The following TRPS1 variants were observed in gnomAD, a reference collection of about 807,000 sequenced individuals.
TRPS1 encodes the protein zinc finger transcription factor Trps1.
A neutral mutation model predicts 101.2 loss-of-function variants in TRPS1; 6 were observed. That is an observed-to-expected ratio of 0.06 (90% CI 0.03 to 0.12). The LOEUF (loss-of-function observed/expected upper bound fraction) is 0.12, where lower values mean the gene tolerates loss of function less well. Ranked by LOEUF, TRPS1 falls within the 10% of genes least tolerant of loss-of-function variation. TRPS1 has a pLI of 1.00. For synonymous variants in TRPS1, 578 were observed against 589.8 expected (o/e 0.98, Z 0.29); for missense variants, 1,363 against 1,567.0 (o/e 0.87, Z 2.20).
At chr8:115,538,218 T>C (rs916399368) in intron 5 of TRPS1, among the ~76,000 whole-genome samples, 1 of 152,212 alleles carries the variant, frequency 6.6e-6, no homozygotes. Context: ...CAACCCAAAA[T>C]GGCAACACTT....
intron 5 of TRPS1, among the ~76,000 whole-genome samples, chr8:115,508,026 C>G (rs1041172816): frequency 6.6e-6 from 1 of 152,074 alleles, no homozygotes; most frequent in African/African-American, 2.4e-5. Context: ...AATAAAAAAG[C>G]AGAACATAAA....
intron 1 of TRPS1, among the ~76,000 whole-genome samples, chr8:115,642,706 G>A (rs1025478263): frequency 6.6e-6 from 1 of 151,774 alleles, no homozygotes; most frequent in Non-Finnish European, 1.5e-5. Flanking sequence ...ATGAATGACT[G>A]TGTCAGTGTT....
chr8:115,623,378 T>C (rs1473379274), intron 2 of TRPS1, among the ~76,000 whole-genome samples: 2 of 152,054 alleles, frequency 1.3e-5, no homozygotes, highest in Admixed American at 1.3e-4. Flanking sequence ...ACTGGAATTA[T>C]ATCATCGTAA....
At chr8:115,432,372 T>C (rs1180638) in intron 5 of TRPS1, among the ~76,000 whole-genome samples, 151,960 of 151,960 alleles carry the variant, frequency 1, 75,980 homozygotes, top group Non-Finnish European at 1. Flanking sequence ...CACCAATTGT[T>C]TACAATTTAT....
rs1812739292 is a variant in TRPS1, at chr8:115,409,542, G to A, written c.*4481C>T. ...CATACTTCTGCCCTAGCATATTCCA[G>A]AAGTTCTAATTACTGCAATTAACTG... On this transcript the variant is annotated 3_prime_UTR_variant, in exon 7 of 7. Coordinates refer to ENST00000395715, the MANE Select transcript of TRPS1 (RefSeq NM_014112.5). The A allele has an allele frequency of 6.6e-6, 1 of 151,942 alleles. No homozygotes were observed. Among genetic ancestry groups the A allele is most frequent in the South Asian group, 2.1e-4 (1 of 4,828 alleles). The allele number at this position is 151,942 out of a possible 1,614,324, so 9.4% of individuals were successfully genotyped here. A position where few individuals can be genotyped will look rare whatever the true frequency, so the allele number is the denominator to read the frequency against.
At chr8:115,599,345 T>C (rs1387392725) in intron 4 of TRPS1, among the ~76,000 whole-genome samples, 1 of 152,160 alleles carries the variant, frequency 6.6e-6, no homozygotes, top group Non-Finnish European at 1.5e-5. Flanking sequence ...AATTTTACTT[T>C]AAGTTTTGGG....
intron 5 of TRPS1, among the ~76,000 whole-genome samples, chr8:115,444,395 A>T (rs947971706): frequency 6.6e-6 from 1 of 152,224 alleles, no homozygotes; most frequent in Non-Finnish European, 1.5e-5. Context: ...ATTTTCGTTA[A>T]ATAAATAAAT....
Position 115,476,303 on chromosome 8 carries a change from G to A in TRPS1, c.2701-57851C>T, listed in dbSNP as rs1357391643. Among the ~76,000 whole-genome samples the A allele has an allele frequency of 2.2e-4, 4 of 18,412 alleles. 2 individuals carry two copies. The highest frequency in any genetic ancestry group is 3.0e-4 in the Non-Finnish European group (4 of 13,500). 12.1% of individuals were successfully genotyped at this position (18,412 alleles called of 152,430 possible). ...CAAAGTGCTGGGATTACAGGCGTGA[G>A]CCACCGCGCCCGGCCCAGAAAATAT... On this transcript the variant is annotated intron_variant, in intron 5 of 6. Transcript: ENST00000395715.
At chr8:115,518,938 T>C (rs1815789702) in intron 5 of TRPS1, among the ~76,000 whole-genome samples, 1 of 151,824 alleles carries the variant, frequency 6.6e-6, no homozygotes, top group Non-Finnish European at 1.5e-5. Context: ...GTCAAGGTTA[T>C]CCATCTCATG....
At chr8:115,564,718 A>C (rs1817026707) in intron 5 of TRPS1, among the ~76,000 whole-genome samples, 1 of 152,126 alleles carries the variant, frequency 6.6e-6, no homozygotes, top group Non-Finnish European at 1.5e-5. Context: ...TGGTACCCCA[A>C]GATTTCTGTC....
chr8:115,542,593 T>C (rs1481027406), intron 5 of TRPS1, among the ~76,000 whole-genome samples: 1 of 152,032 alleles, frequency 6.6e-6, no homozygotes, highest in African/African-American at 2.4e-5. Context: ...AATTTAGGGC[T>C]GTGGAAAAGG....
intron 5 of TRPS1, among the ~76,000 whole-genome samples, chr8:115,452,740 T>C (rs118116421): frequency 0.017 from 2,519 of 152,310 alleles, 32 homozygotes; most frequent in Non-Finnish European, 0.026. Context: ...CAAGTATTTA[T>C]ATAAATGAGA....
chr8:115,623,947 A>G (rs1335123788), intron 1 of TRPS1, among the ~76,000 whole-genome samples, 189 bp from the exon 2 acceptor site: 1 of 152,060 alleles, frequency 6.6e-6, no homozygotes, highest in Non-Finnish European at 1.5e-5. Flanking sequence ...AAGGAGGAAC[A>G]TGATATAAAA....
chr8:115,584,567 A>G (rs1817522457), intron 5 of TRPS1, among the ~76,000 whole-genome samples: 1 of 151,826 alleles, frequency 6.6e-6, no homozygotes, highest in Non-Finnish European at 1.5e-5. Flanking sequence ...TATGCCTCTG[A>G]AACTATAAAC....
At chr8:115,576,708 G>C (rs976614369) in intron 5 of TRPS1, among the ~76,000 whole-genome samples, 1 of 152,118 alleles carries the variant, frequency 6.6e-6, no homozygotes, top group African/African-American at 2.4e-5. Context: ...CACAGCCAGA[G>C]TTAAATGTGG....
intron 4 of TRPS1, among the ~76,000 whole-genome samples, chr8:115,599,684 G>A (rs1275055022): frequency 1.3e-5 from 2 of 152,036 alleles, no homozygotes. Flanking sequence ...GTTTTTTTAT[G>A]GCTGCATAGT....
At chr8:115,487,505 AT>A (rs1563766233) in intron 5 of TRPS1, among the ~76,000 whole-genome samples, 1 of 152,218 alleles carries the variant, frequency 6.6e-6, no homozygotes, top group African/African-American at 2.4e-5. Flanking sequence ...GGCAAAGTCA[AT>A]TGAAAACCTT....
At chr8:115,519,874 A>G (rs2625680) in intron 5 of TRPS1, among the ~76,000 whole-genome samples, 151,846 of 151,846 alleles carry the variant, frequency 1, 75,923 homozygotes, top group Non-Finnish European at 1. Flanking sequence ...ACTCTAAAAT[A>G]TAAATTGCTA....
intron 5 of TRPS1, among the ~76,000 whole-genome samples, chr8:115,530,507 T>C (rs754865238): frequency 1.3e-5 from 2 of 152,138 alleles, no homozygotes; most frequent in Non-Finnish European, 2.9e-5. Flanking sequence ...TGAACTTAGA[T>C]ACGTGTGCAA....
Sources: gnomAD v4.1 joint callset for allele counts (sites outside exome capture counted in the v4.1 genomes callset) on GRCh38, gnomAD v4.1.1 for gene constraint, MANE v1.5 for transcripts, NCBI Gene and HGNC (gene_info 2026-07-23, HGNC 2026-07-21) for gene names.